The following CEP192 variants were observed in gnomAD, a reference collection of about 807,000 sequenced individuals.
CEP192 encodes centrosomal protein 192, also known as centrosomal protein of 192 kDa.
A neutral mutation model predicts 271.8 loss-of-function variants in CEP192; 151 were observed. The ratio of observed to expected loss-of-function variants is 0.56; its 90% CI spans 0.49 to 0.64. CEP192 has a LOEUF of 0.64. Ranked by LOEUF, CEP192 falls within the 30% of genes least tolerant of loss-of-function variation. The pLI is 0.00. For synonymous variants in CEP192, 995 were observed against 1,076.5 expected (o/e 0.92, Z 1.48); for missense variants, 2,910 against 3,020.5 (o/e 0.96, Z 0.86).
At chr18:13,017,167 T>G (rs1336201457) in intron 6 of CEP192, 21 bp from the exon 7 acceptor site, 3 of 1,527,284 alleles carry the variant, frequency 2.0e-6, no homozygotes, top group Non-Finnish European at 2.6e-6. Context: ...ATGTCCTGTT[T>G]TTTCTCGATT....
At chr18:13,120,176 G>C (rs960434579) in intron 44 of CEP192, among the ~76,000 whole-genome samples, 2 of 152,198 alleles carry the variant, frequency 1.3e-5, no homozygotes, top group Non-Finnish European at 2.9e-5. Context: ...TAGTGCTACA[G>C]ATGGCAGAGT....
At chr18:13,039,189 T>C (rs1404096797) in intron 13 of CEP192, among the ~76,000 whole-genome samples, 2 of 152,168 alleles carry the variant, frequency 1.3e-5, no homozygotes, top group Non-Finnish European at 2.9e-5. Context: ...GCGCAGTGGC[T>C]CACACCTGTA....
intron 30 of CEP192, among the ~76,000 whole-genome samples, chr18:13,082,824 C>A (rs973340661): frequency 6.6e-6 from 1 of 152,150 alleles, no homozygotes; most frequent in Non-Finnish European, 1.5e-5. Context: ...CTGGTGGTGA[C>A]AAAATCTCTC....
rs1457432670 is a variant in CEP192, at chr18:13,056,575, T to C, written c.3985T>C (p.Cys1329Arg). The change falls in exon 19 of 45, where the codon TGT becomes CGT. Residue 1329 changes from cysteine (C) to arginine (R), a missense_variant. Physicochemically the swap from Cys to Arg is radical, Grantham distance 180. Coordinates refer to ENST00000506447, the MANE Select transcript of CEP192 (RefSeq NM_032142.4). ...GSGWMGTSSL[C>R]NPYSNTLNQN... ...TGGATGGATGGGTACCTCTTCCCTC[T>C]GTAACCCATATTCTAATACCTTAAA... The C allele has an allele frequency of 6.2e-7, 1 of 1,614,076 alleles. No individual in the cohort carries two copies. The highest frequency in any genetic ancestry group is 2.2e-5 in the East Asian group (1 of 44,894).
chr18:13,113,441 ATTCT>A (rs2040294834), intron 40 of CEP192, 141 bp from the exon 41 acceptor site: 1 of 771,820 alleles, frequency 1.3e-6, no homozygotes, highest in African/African-American at 1.8e-5. Flanking sequence ...AATTGTCCAA[ATTCT>A]TTCAATTAAT....
chr18:12,994,048 C>T (rs908894961), intron 1 of CEP192, among the ~76,000 whole-genome samples: 7 of 152,276 alleles, frequency 4.6e-5, no homozygotes, highest in South Asian at 2.1e-4. Flanking sequence ...AGAATGTTGT[C>T]ATTCATTCGT....
intron 20 of CEP192, chr18:13,058,773 T>C (rs1004418732): frequency 1.3e-4 from 47 of 356,884 alleles, no homozygotes; most frequent in Middle Eastern, 9.2e-4. Context: ...TAGAGAGACT[T>C]ACAGGGCTGT....
intron 40 of CEP192, among the ~76,000 whole-genome samples, chr18:13,112,233 A>G (rs2040240055): frequency 6.6e-6 from 1 of 152,256 alleles, no homozygotes; most frequent in Admixed American, 6.5e-5. Context: ...CAAATGTCTG[A>G]TGGGTCGATA....
chr18:13,050,547 C>G (rs1029877579), intron 17 of CEP192, among the ~76,000 whole-genome samples: 1 of 151,808 alleles, frequency 6.6e-6, no homozygotes, highest in African/African-American at 2.4e-5. Context: ...TACATATACA[C>G]AGTCACTTCT....
At chr18:12,994,052 C>A (rs1262248086) in intron 1 of CEP192, among the ~76,000 whole-genome samples, 2 of 152,198 alleles carry the variant, frequency 1.3e-5, no homozygotes, top group Non-Finnish European at 2.9e-5. Flanking sequence ...TGTTGTCATT[C>A]ATTCGTTTCA....
chr18:13,038,346 A>G, intron 12 of CEP192, 24 bp from the exon 13 acceptor site: 1 of 1,531,976 alleles, frequency 6.5e-7, no homozygotes, highest in Non-Finnish European at 8.9e-7. Flanking sequence ...GGGGAAAGAA[A>G]CGAAACAATA....
At chr18:13,043,136 A>G (rs2036297717) in intron 15 of CEP192, among the ~76,000 whole-genome samples, 1 of 152,240 alleles carries the variant, frequency 6.6e-6, no homozygotes, top group Non-Finnish European at 1.5e-5. Flanking sequence ...TTCCCTGATT[A>G]CTAATAAAGC....
At chr18:13,014,319 A>G (rs1426995041) in intron 5 of CEP192, among the ~76,000 whole-genome samples, 1 of 152,202 alleles carries the variant, frequency 6.6e-6, no homozygotes, top group East Asian at 1.9e-4. Context: ...AAGAGGAAGA[A>G]ATGAGAATAG....
intron 30 of CEP192, among the ~76,000 whole-genome samples, chr18:13,077,756 GATTAT>G (rs1426414004): frequency 6.6e-6 from 1 of 152,094 alleles, no homozygotes; most frequent in Non-Finnish European, 1.5e-5. Flanking sequence ...ACACTAAGAG[GATTAT>G]AAATACAGTT....
rs1360131560 is a variant in CEP192 at position 13,095,482 on chromosome 18, C to T, written c.6255-21C>T. On this transcript the variant is annotated intron_variant, in intron 34 of 44. Transcript: ENST00000506447. ...TCTCTTTCTTCATGTCTAACTTTTT[C>T]ATTTTTAAATAATTTTTTAGCGACT... is the stretch of plus-strand genomic sequence containing the variant. The T allele has an allele frequency of 2.5e-6, 4 of 1,575,218 alleles. No individual in the cohort carries two copies. The South Asian group carries it at 3.5e-5, about 14-fold the overall frequency.
intron 30 of CEP192, among the ~76,000 whole-genome samples, chr18:13,074,380 C>T (rs1375032011): frequency 6.6e-6 from 1 of 152,108 alleles, no homozygotes; most frequent in Non-Finnish European, 1.5e-5. Context: ...CTGCCAGAGC[C>T]TTTAAGCTCT....
intron 30 of CEP192, among the ~76,000 whole-genome samples, chr18:13,074,014 TAA>T (rs147002092): frequency 0.035 from 5,320 of 152,110 alleles, 287 homozygotes; most frequent in African/African-American, 0.12. Context: ...CAATTAGAGA[TAA>T]AAGTGATAAA....
At chr18:13,065,415 A>G (rs1338614655) in intron 21 of CEP192, among the ~76,000 whole-genome samples, 1 of 152,230 alleles carries the variant, frequency 6.6e-6, no homozygotes, top group Admixed American at 6.5e-5. Flanking sequence ...AATAACACAC[A>G]TTTAAAAATT....
intron 15 of CEP192, among the ~76,000 whole-genome samples, chr18:13,045,644 T>G (rs983188257): frequency 5.9e-5 from 9 of 152,228 alleles, no homozygotes; most frequent in Non-Finnish European, 1.2e-4. Context: ...TGTTAATCAT[T>G]ATAGGTATAT....
Sources: gnomAD v4.1 joint callset for allele counts (sites outside exome capture counted in the v4.1 genomes callset) on GRCh38, gnomAD v4.1.1 for gene constraint, MANE v1.5 for transcripts, NCBI Gene and HGNC (gene_info 2026-07-23, HGNC 2026-07-21) for gene names.